The following PARD3B variants were observed in gnomAD, a reference collection of about 807,000 sequenced individuals.
The protein encoded by PARD3B is par-3 family cell polarity regulator beta.
A neutral mutation model predicts 130.2 loss-of-function variants in PARD3B; 103 were observed. The ratio of observed to expected loss-of-function variants is 0.79; its 90% CI spans 0.67 to 0.93. The LOEUF (loss-of-function observed/expected upper bound fraction) is 0.93, where lower values mean the gene tolerates loss of function less well. Among genes scored for constraint, PARD3B ranks in the 40% least tolerant of loss-of-function variants. The pLI, the probability that PARD3B is intolerant of heterozygous loss-of-function variation, is 0.00. For missense variants in PARD3B, 1,609 were observed against 1,499.2 expected (o/e 1.07, Z -1.21); for synonymous variants, 583 against 553.2 (o/e 1.05, Z -0.76).
chr2:204,785,820 A>G (rs561988415), intron 2 of PARD3B, among the ~76,000 whole-genome samples: 10 of 152,220 alleles, frequency 6.6e-5, no homozygotes, highest in African/African-American at 2.4e-4. Context: ...GTACCATTCA[A>G]ATATCAAAAT....
At chr2:205,433,242 TGA>T (rs2106135190) in intron 19 of PARD3B, among the ~76,000 whole-genome samples, 1 of 152,230 alleles carries the variant, frequency 6.6e-6, no homozygotes, top group South Asian at 2.1e-4. Flanking sequence ...CTTTTTAAAT[TGA>T]GATATAGGCT....
intron 3 of PARD3B, among the ~76,000 whole-genome samples, chr2:205,037,697 T>G (rs1698105599): frequency 1.3e-5 from 2 of 151,108 alleles, no homozygotes; most frequent in African/African-American, 4.9e-5. Flanking sequence ...ATATGATATA[T>G]CTCTGACTCA....
chr2:205,270,088 A>C (rs998523676), intron 16 of PARD3B, among the ~76,000 whole-genome samples: 1 of 152,216 alleles, frequency 6.6e-6, no homozygotes, highest in African/African-American at 2.4e-5. Flanking sequence ...GCATGCATGT[A>C]TGAAAACATC....
At chr2:205,399,762 A>G (rs549483442) in intron 18 of PARD3B, among the ~76,000 whole-genome samples, 47 of 152,352 alleles carry the variant, frequency 3.1e-4, no homozygotes, top group African/African-American at 1.1e-3. Flanking sequence ...CCTTGTAACT[A>G]TATACATCCC....
intron 2 of PARD3B, among the ~76,000 whole-genome samples, chr2:204,864,940 A>G (rs1054619430): frequency 3.9e-5 from 6 of 152,210 alleles, no homozygotes; most frequent in African/African-American, 4.8e-5. Flanking sequence ...GAACAAAACA[A>G]TCCCATCAAA....
At chr2:205,255,249 C>A (rs2040030210) in intron 16 of PARD3B, among the ~76,000 whole-genome samples, 1 of 152,152 alleles carries the variant, frequency 6.6e-6, no homozygotes, top group Non-Finnish European at 1.5e-5. Flanking sequence ...TATTCTTTCA[C>A]ACTTTCTTGC....
At chr2:204,914,874 CCCCAGCTG>C (rs1363396436) in intron 2 of PARD3B, among the ~76,000 whole-genome samples, 4 of 152,254 alleles carry the variant, frequency 2.6e-5, no homozygotes, top group Non-Finnish European at 5.9e-5. Context: ...AGCTCCAGAT[CCCCAGCTG>C]CCCAGATGCT....
intron 2 of PARD3B, among the ~76,000 whole-genome samples, chr2:204,947,540 TCCCTC>T (rs1256905902): frequency 3.1e-5 from 3 of 95,256 alleles, no homozygotes; most frequent in African/African-American, 5.2e-5. Flanking sequence ...TCCCTTCCCT[TCCCTC>T]CCCTCCCCTC....
chr2:204,936,537 T>C (rs191954807), intron 2 of PARD3B, among the ~76,000 whole-genome samples: 6 of 152,338 alleles, frequency 3.9e-5, no homozygotes, highest in African/African-American at 1.4e-4. Flanking sequence ...TTAATCCTCA[T>C]AATAATCCCA....
At chr2:205,514,780 CTTT>C (rs1168859306) in intron 21 of PARD3B, among the ~76,000 whole-genome samples, 1 of 147,256 alleles carries the variant, frequency 6.8e-6, no homozygotes, top group African/African-American at 2.5e-5. Flanking sequence ...AAAATTACTT[CTTT>C]TATTTTATAT....
rs1360849468 is a variant in PARD3B at position 205,187,439 on chromosome 2, A to G, written c.2024+1576A>G. Among the ~76,000 whole-genome samples, 1 of 152,192 alleles carries G rather than the reference A, an allele frequency of 6.6e-6. No individual in the cohort carries two copies. Among genetic ancestry groups the G allele is most frequent in the Non-Finnish European group, 1.5e-5 (1 of 68,036 alleles). ...TGAAACCTGGGTTTTTTGTGTGTGT[A>G]TAACATGGATTGGGTGAATGGAAGA... On this transcript the variant is annotated intron_variant, in intron 14 of 22. Transcript: ENST00000406610. This position sits in a 1 kb window ranked among gnomAD's most constrained non-coding sequence, Gnocchi z 4.9.
At chr2:205,552,123 T>A (rs1270574352) in intron 21 of PARD3B, among the ~76,000 whole-genome samples, 1 of 152,192 alleles carries the variant, frequency 6.6e-6, no homozygotes, top group African/African-American at 2.4e-5. Context: ...CACACAGTAT[T>A]GAAAACCTAC....
At chr2:205,013,714 G>A (rs1040087154) in intron 3 of PARD3B, among the ~76,000 whole-genome samples, 1 of 152,222 alleles carries the variant, frequency 6.6e-6, no homozygotes. Flanking sequence ...ACTGCCTGCT[G>A]TGAAGCAGCA....
rs182975544 is a variant in PARD3B, at chr2:204,819,287, A to G, written c.222+133005A>G. 3.2e-4 allele frequency among the ~76,000 whole-genome samples: 48 copies of G among 152,256 alleles called. 1 individual carries two copies. Among genetic ancestry groups the G allele is most frequent in the Non-Finnish European group, 3.1e-4 (21 of 68,006 alleles). On this transcript the variant is annotated intron_variant, in intron 2 of 22. Coordinates refer to ENST00000406610, the MANE Select transcript of PARD3B (RefSeq NM_001302769.2). ...TGTCACTCTGTGTAACATTTTGGTTATTCTTGCCATGTTTCAAACCTTTTC... is the reference window on the plus strand; with the variant it reads ...TGTCACTCTGTGTAACATTTTGGTTGTTCTTGCCATGTTTCAAACCTTTTC...
At chr2:204,599,068 G>A (rs1444065739) in intron 1 of PARD3B, among the ~76,000 whole-genome samples, 1 of 151,074 alleles carries the variant, frequency 6.6e-6, no homozygotes, top group Admixed American at 6.6e-5. Context: ...AAAAAAAAAA[G>A]ACATTGTTTT....
chr2:205,016,751 G>A (rs763825132), intron 3 of PARD3B, among the ~76,000 whole-genome samples: 63 of 152,202 alleles, frequency 4.1e-4, no homozygotes, highest in South Asian at 2.1e-4. Flanking sequence ...TTTGAACTTG[G>A]ACCACTGTTC....
chr2:204,867,489 C>A (rs776793556), intron 2 of PARD3B, among the ~76,000 whole-genome samples: 1 of 152,084 alleles, frequency 6.6e-6, no homozygotes, highest in Non-Finnish European at 1.5e-5. Context: ...GCATCATCCC[C>A]GAGCACCATT....
At chr2:204,996,926 G>T (rs544902408) in intron 3 of PARD3B, among the ~76,000 whole-genome samples, 2 of 151,750 alleles carry the variant, frequency 1.3e-5, no homozygotes, top group African/African-American at 4.8e-5. Flanking sequence ...GCAATGCCTC[G>T]CCCTGCTTCG....
intron 22 of PARD3B, among the ~76,000 whole-genome samples, chr2:205,569,981 GA>G (rs1453640757): frequency 1.3e-5 from 2 of 152,124 alleles, no homozygotes; most frequent in Non-Finnish European, 2.9e-5. Context: ...TAGGTGATCA[GA>G]ACTCTAAGCA....
Sources: gnomAD v4.1 joint callset for allele counts (sites outside exome capture counted in the v4.1 genomes callset) on GRCh38, gnomAD v4.1.1 for gene constraint, Gnocchi (gnomAD v3.1) non-coding constraint, MANE v1.5 for transcripts, NCBI Gene and HGNC (gene_info 2026-07-23, HGNC 2026-07-21) for gene names.